Variants in NTN4 observed in about 807,000 individuals in gnomAD.
NTN4 encodes netrin 4, also known as netrin-4.
NTN4 carries 32 observed loss-of-function variants against 73.6 expected under a neutral mutation model. The ratio of observed to expected loss-of-function variants is 0.44; its 90% confidence interval spans 0.33 to 0.58. NTN4 has a LOEUF of 0.58. Ranked by LOEUF, NTN4 falls within the 20% of genes least tolerant of loss-of-function variation. The pLI, the probability that NTN4 is intolerant of heterozygous loss-of-function variation, is 0.04. For synonymous variants in NTN4, 258 were observed against 287.5 expected (o/e 0.90, Z 1.04); for missense variants, 654 against 798.3 (o/e 0.82, Z 2.18).
chr12:95,660,816 T>C (rs1412865637), intron 9 of NTN4, among the ~76,000 whole-genome samples: 2 of 152,230 alleles, frequency 1.3e-5, no homozygotes, highest in East Asian at 1.9e-4. Context: ...AGTTGATTCA[T>C]TGCTCATTTT....
At chr12:95,741,463 A>ATATATATG (rs2078825593) in intron 2 of NTN4, among the ~76,000 whole-genome samples, 1 of 119,836 alleles carries the variant, frequency 8.3e-6, no homozygotes, top group South Asian at 2.8e-4. Context: ...ATATATATAT[A>ATATATATG]TATATATATA....
Position 95,718,447 on chromosome 12 carries a change from G to C in NTN4, c.865-5109C>G, listed in dbSNP as rs1418786527. Among the ~76,000 whole-genome samples the C allele has an allele frequency of 2.6e-5, 4 of 152,306 alleles. No individual in the cohort carries two copies. The East Asian group carries it at 7.7e-4, about 29-fold the overall frequency. On this transcript the variant is annotated intron_variant, in intron 3 of 9. Transcript: ENST00000343702. Reference sequence around the variant, plus strand: ...GATTGTTGTAGAATATTTAAACATGGAAGATTGGCTTAAACAACTTTTAGG... The same window carrying C: ...GATTGTTGTAGAATATTTAAACATGCAAGATTGGCTTAAACAACTTTTAGG...
chr12:95,791,065 G>A (rs895147401), upstream of NTN4: 10 of 152,742 alleles, frequency 6.5e-5, no homozygotes, highest in African/African-American at 2.4e-4. The surrounding 1 kb of genome is among the most constrained non-coding windows in gnomAD (Gnocchi z 4.0). Context: ...TGACCCCCCT[G>A]GTGCCCTGCA....
At chr12:95,686,579 T>C (rs2078362592) in intron 5 of NTN4, among the ~76,000 whole-genome samples, 1 of 151,756 alleles carries the variant, frequency 6.6e-6, no homozygotes, top group South Asian at 2.1e-4. Context: ...GCTAACATGG[T>C]GAAACCTCAT....
At chr12:95,726,699 A>T (rs1213956770) in intron 3 of NTN4, among the ~76,000 whole-genome samples, 8 of 152,138 alleles carry the variant, frequency 5.3e-5, no homozygotes, top group African/African-American at 1.9e-4. Flanking sequence ...ATGGTGGTTC[A>T]CGCCTGTAAT....
chr12:95,763,422 C>A (rs1224029427), intron 2 of NTN4, among the ~76,000 whole-genome samples: 2 of 152,202 alleles, frequency 1.3e-5, no homozygotes, highest in Non-Finnish European at 2.9e-5. Context: ...AAGCTAGAGT[C>A]TGTTCCCTGA....
intron 2 of NTN4, among the ~76,000 whole-genome samples, chr12:95,775,368 C>T (rs1413190161): frequency 6.6e-6 from 1 of 152,192 alleles, no homozygotes; most frequent in East Asian, 1.9e-4. Flanking sequence ...GAGCATGAGC[C>T]AAAGCAGGGC....
chr12:95,698,172 G>A (rs1304948763), intron 5 of NTN4, among the ~76,000 whole-genome samples: 1 of 152,166 alleles, frequency 6.6e-6, no homozygotes, highest in Non-Finnish European at 1.5e-5. Context: ...GGATACTGTG[G>A]ATGGAGGAAC....
intron 6 of NTN4, among the ~76,000 whole-genome samples, 192 bp downstream of exon 6, chr12:95,683,306 C>T (rs913055776): frequency 6.6e-6 from 1 of 152,210 alleles, no homozygotes. Flanking sequence ...AGGTGATCCA[C>T]CCGCCTCAGC....
At position 95,701,237 on chromosome 12, in the gene NTN4, G is replaced by C. The variant is rs147082258; in HGVS notation, c.1180+9204C>G. ...AAAGAGACTATCCACTTTTTGAACA[G>C]AGAGATGAGATTCCTCAAAGTACCT... On this transcript the variant is annotated intron_variant, in intron 5 of 9. Coordinates refer to ENST00000343702, the MANE Select transcript of NTN4 (RefSeq NM_021229.4). Among the ~76,000 whole-genome samples, 478 of 152,314 alleles carry C rather than the reference G, an allele frequency of 3.1e-3. 3 individuals carry two copies. Among genetic ancestry groups the C allele is most frequent in the African/African-American group, 0.011 (454 of 41,576 alleles).
intron 2 of NTN4, among the ~76,000 whole-genome samples, chr12:95,760,535 C>T (rs1400223183): frequency 6.6e-6 from 1 of 152,172 alleles, no homozygotes; most frequent in African/African-American, 2.4e-5. Flanking sequence ...GCCCACTGGA[C>T]TCTGGGTTCT....
chr12:95,700,481 G>T (rs2078476307), intron 5 of NTN4, among the ~76,000 whole-genome samples: 1 of 152,088 alleles, frequency 6.6e-6, no homozygotes, highest in Admixed American at 6.5e-5. Flanking sequence ...AGTGCTCCCT[G>T]GTGATTCTGA....
intron 3 of NTN4, among the ~76,000 whole-genome samples, chr12:95,722,415 C>A (rs1375935108): frequency 1.3e-5 from 2 of 150,078 alleles, no homozygotes; most frequent in East Asian, 3.9e-4. Flanking sequence ...GGCTTCCACT[C>A]ATAAATTGGA....
chr12:95,776,472 T>G (rs559780709), intron 2 of NTN4, among the ~76,000 whole-genome samples: 2 of 152,294 alleles, frequency 1.3e-5, no homozygotes, highest in South Asian at 2.1e-4. Flanking sequence ...TTAAATGACC[T>G]GATGGAGCTG....
intron 7 of NTN4, among the ~76,000 whole-genome samples, chr12:95,675,690 GAAAGA>G (rs2078267941): frequency 6.6e-6 from 1 of 152,166 alleles, no homozygotes; most frequent in South Asian, 2.1e-4. Flanking sequence ...AAAATGTAAA[GAAAGA>G]AAAGAAATGA....
intron 3 of NTN4, among the ~76,000 whole-genome samples, chr12:95,726,989 G>T (rs898304417): frequency 6.6e-6 from 1 of 151,764 alleles, no homozygotes; most frequent in Non-Finnish European, 1.5e-5. Context: ...AAATTTTTTT[G>T]GGGAAAATGC....
In NTN4 at chr12:95,691,151, T is replaced by C. The variant is rs1376665925; in HGVS notation, c.1181-7440A>G. 1.1e-4 allele frequency among the ~76,000 whole-genome samples: 16 copies of C among 152,366 alleles called. No individual in the cohort carries two copies. In the East Asian group the frequency reaches 2.3e-3, roughly 22 times the overall value. On this transcript the variant is annotated intron_variant, in intron 5 of 9. Transcript: ENST00000343702. ...TGCATACTTATCTCCTGAAGCTTGA[T>C]AGCAGTCAATATCTGACACATACAA...
chr12:95,735,905 T>TTA (rs2078773059), intron 3 of NTN4, among the ~76,000 whole-genome samples: 37 of 101,616 alleles, frequency 3.6e-4, no homozygotes, highest in African/African-American at 9.3e-4. Flanking sequence ...TTTTTTAAAT[T>TTA]TTTATTTATT....
chr12:95,672,848 T>C, intron 7 of NTN4: 1 of 1,382,698 alleles, frequency 7.2e-7, no homozygotes, highest in Non-Finnish European at 1.0e-6. Flanking sequence ...AAATGGGTAC[T>C]GATTGCAGCC....
Sources: gnomAD v4.1 joint callset for allele counts (sites outside exome capture counted in the v4.1 genomes callset) on GRCh38, gnomAD v4.1.1 for gene constraint, Gnocchi (gnomAD v3.1) non-coding constraint, MANE v1.5 for transcripts, NCBI Gene and HGNC (gene_info 2026-07-23, HGNC 2026-07-21) for gene names.